Variants in MBNL2 observed in about 807,000 individuals in gnomAD.
MBNL2 encodes muscleblind like splicing regulator 2.
A neutral mutation model predicts 41.9 loss-of-function variants in MBNL2; 17 were observed. The ratio of observed to expected loss-of-function variants is 0.41; its 90% confidence interval spans 0.28 to 0.61. MBNL2 has a LOEUF of 0.61. MBNL2 is among the 20% of genes least tolerant of loss of function. The pLI is 0.35. For synonymous variants in MBNL2, 195 were observed against 182.9 expected (o/e 1.07, Z -0.53); for missense variants, 336 against 505.6 (o/e 0.66, Z 3.22).
At chr13:97,208,552 G>A in the MBNL2 span, among the ~76,000 whole-genome samples, 1 of 152,144 alleles carries the variant, frequency 6.6e-6, no homozygotes, top group Non-Finnish European at 1.5e-5. Flanking sequence ...AGAAACCCTA[G>A]TCCCTAGTCT....
intron 2 of MBNL2, among the ~76,000 whole-genome samples, chr13:97,290,905 A>G (rs1334059603): frequency 6.6e-6 from 1 of 151,700 alleles, no homozygotes; most frequent in African/African-American, 2.4e-5. Flanking sequence ...GGCTTCCCAG[A>G]TGCAGGGGAA....
the MBNL2 span, among the ~76,000 whole-genome samples, chr13:97,195,369 G>A: frequency 6.6e-6 from 1 of 151,956 alleles, no homozygotes; most frequent in Non-Finnish European, 1.5e-5. Context: ...TAGAACATTT[G>A]TCTCTCCCAA....
intron 1 of MBNL2, among the ~76,000 whole-genome samples, chr13:97,251,346 T>A (rs1334238390): frequency 6.6e-6 from 1 of 151,962 alleles, no homozygotes; most frequent in Non-Finnish European, 1.5e-5. Flanking sequence ...ATTGCATGCC[T>A]GTATCAAAGT....
At position 97,228,529 on chromosome 13, in the gene MBNL2, CT is replaced by C. The variant is rs5806008; in HGVS notation, c.-605+6015del. Among the ~76,000 whole-genome samples, 730 of 128,090 alleles carry C rather than the reference CT, an allele frequency of 5.7e-3. 3 individuals are homozygous for C. Among genetic ancestry groups the C allele is most frequent in the South Asian group, 9.7e-3 (39 of 4,022 alleles). The allele number at this position is 128,090 out of a possible 152,430, so 84.0% of individuals were successfully genotyped here. A position where few individuals can be genotyped will look rare whatever the true frequency, so the allele number is the denominator to read the frequency against. On this transcript the variant is annotated intron_variant, in intron 1 of 8. Transcript: ENST00000679496. Reference sequence around the variant, plus strand: ...TAATTTCAGTTTTTATATTTATTATCTTTTTTTTTTTTTTTTTGAGACAGAG... The same window carrying C: ...TAATTTCAGTTTTTATATTTATTATCTTTTTTTTTTTTTTTTGAGACAGAG...
At chr13:97,177,938 A>G in the MBNL2 span, among the ~76,000 whole-genome samples, 1 of 152,230 alleles carries the variant, frequency 6.6e-6, no homozygotes, top group East Asian at 1.9e-4. Flanking sequence ...CCATCAATTA[A>G]GTATAAGCGT....
At chr13:97,291,808 T>C (rs1594164604) in intron 2 of MBNL2, among the ~76,000 whole-genome samples, 1 of 145,430 alleles carries the variant, frequency 6.9e-6, no homozygotes, top group East Asian at 2.1e-4. Flanking sequence ...GGCAGGAGAA[T>C]CGCTTGAACC....
At chr13:97,233,128 TA>T (rs2042651921) in intron 1 of MBNL2, among the ~76,000 whole-genome samples, 1 of 18,344 alleles carries the variant, frequency 5.5e-5, no homozygotes, top group Non-Finnish European at 9.9e-5. Context: ...CTCTTTTTCA[TA>T]TATATATATA....
chr13:97,356,775 C>T, intron 5 of MBNL2, 21 bp from the exon 6 acceptor site: 4 of 1,359,730 alleles, frequency 2.9e-6, no homozygotes, highest in Non-Finnish European at 3.0e-6. Flanking sequence ...CCATCATGTG[C>T]TCGCTGCCTG....
At chr13:97,210,571 A>ATTTT in the MBNL2 span, among the ~76,000 whole-genome samples, 63 of 65,464 alleles carry the variant, frequency 9.6e-4, 17 homozygotes, top group African/African-American at 3.8e-3. Context: ...ACAACTGTGA[A>ATTTT]TTTTTTTTTT....
intron 7 of MBNL2, among the ~76,000 whole-genome samples, chr13:97,361,709 C>T (rs952930298): frequency 1.3e-5 from 2 of 151,870 alleles, no homozygotes; most frequent in Non-Finnish European, 2.9e-5. Flanking sequence ...AAGACACCCC[C>T]CTCCACACTG....
the MBNL2 span, among the ~76,000 whole-genome samples, chr13:97,159,247 C>A: frequency 6.6e-6 from 1 of 150,738 alleles, no homozygotes; most frequent in Non-Finnish European, 1.5e-5. Context: ...TCCATTTGCT[C>A]GGTAGATCTT....
At position 97,372,743 on chromosome 13, in the gene MBNL2, A is replaced by G. The variant is rs992578068; in HGVS notation, c.1048+7572A>G. On this transcript the variant is annotated intron_variant, in intron 8 of 8. Transcript: ENST00000679496. ...GAAGAGAAAAGCTTGTTTCTCACCT[A>G]TAAACATGAACATAACTTTAAAGTT... Among the ~76,000 whole-genome samples the G allele has an allele frequency of 1.4e-4, 22 of 152,354 alleles. 1 individual carries two copies. Among genetic ancestry groups the G allele is most frequent in the African/African-American group, 4.8e-4 (20 of 41,584 alleles).
chr13:97,348,074 AT>A (rs71692187), intron 5 of MBNL2, among the ~76,000 whole-genome samples: 12,325 of 120,158 alleles, frequency 0.1, 610 homozygotes, highest in East Asian at 0.17. Flanking sequence ...GGGCAGTGGG[AT>A]TTTTTTTTTT....
At chr13:97,318,459 TG>T (rs1252866996) in intron 2 of MBNL2, among the ~76,000 whole-genome samples, 1 of 152,194 alleles carries the variant, frequency 6.6e-6, no homozygotes. Flanking sequence ...CTCAAATGTT[TG>T]TCTGAGATTT....
chr13:97,255,762 G>A (rs1217802908), intron 1 of MBNL2, among the ~76,000 whole-genome samples: 1 of 152,194 alleles, frequency 6.6e-6, no homozygotes, highest in African/African-American at 2.4e-5. Flanking sequence ...ATATAACACA[G>A]GAAGGGGAGG....
chr13:97,223,310 A>G (rs115140548), intron 1 of MBNL2, among the ~76,000 whole-genome samples: 2 of 152,382 alleles, frequency 1.3e-5, no homozygotes, highest in African/African-American at 2.4e-5. Context: ...ACTATGCCGA[A>G]CCATATCAAC....
intron 1 of MBNL2, among the ~76,000 whole-genome samples, chr13:97,253,434 A>G (rs2046950580): frequency 1.3e-5 from 2 of 152,186 alleles, no homozygotes; most frequent in East Asian, 3.8e-4. Context: ...GAAAATGTAT[A>G]TACTTATTAA....
At chr13:97,281,952 G>A (rs966895516) in intron 2 of MBNL2, among the ~76,000 whole-genome samples, 2 of 151,932 alleles carry the variant, frequency 1.3e-5, no homozygotes, top group Admixed American at 6.6e-5. Flanking sequence ...TTCCCTTCTC[G>A]TAACTGCTCT....
intron 2 of MBNL2, among the ~76,000 whole-genome samples, chr13:97,308,672 C>T (rs2058327950): frequency 6.6e-6 from 1 of 152,192 alleles, no homozygotes; most frequent in African/African-American, 2.4e-5. Flanking sequence ...GCTTTAGAGG[C>T]CCCTGAAGTT....
Sources: allele counts gnomAD v4.1 joint callset (sites outside exome capture counted in the v4.1 genomes callset), GRCh38; gene constraint gnomAD v4.1.1; transcripts MANE v1.5; gene names NCBI Gene and HGNC (gene_info 2026-07-23, HGNC 2026-07-21).